EPHA6: variants seen among roughly 807,000 people sequenced by gnomAD.
EPHA6 encodes ephrin type-A receptor 6.
Under a neutral mutation model 112.0 loss-of-function variants are expected in EPHA6, and 50 were observed. The ratio of observed to expected loss-of-function variants is 0.45; its 90% CI spans 0.36 to 0.56. EPHA6 has a LOEUF of 0.56. EPHA6 is among the 20% of genes least tolerant of loss of function. The pLI, the probability that EPHA6 is intolerant of heterozygous loss-of-function variation, is 0.00. For missense variants in EPHA6, 1,280 were observed against 1,417.4 expected (o/e 0.90, Z 1.56); for synonymous variants, 529 against 490.7 (o/e 1.08, Z -1.03).
chr3:96,922,880 A>G (rs1403269636), intron 2 of EPHA6, among the ~76,000 whole-genome samples: 2 of 152,050 alleles, frequency 1.3e-5, no homozygotes, highest in East Asian at 3.9e-4. Context: ...TTCGTGTCTC[A>G]CTGTTAAGTA....
chr3:97,154,180 A>AT (rs1380314951), intron 3 of EPHA6, among the ~76,000 whole-genome samples: 8 of 140,116 alleles, frequency 5.7e-5, no homozygotes, highest in African/African-American at 2.7e-4. Context: ...AAAAAAAAAA[A>AT]ATATCAGTCT....
At chr3:97,057,165 G>A (rs148889419) in intron 3 of EPHA6, among the ~76,000 whole-genome samples, 4 of 152,030 alleles carry the variant, frequency 2.6e-5, no homozygotes, top group African/African-American at 7.3e-5. Context: ...TTTGGTTGCC[G>A]GGGATATTTC....
intron 14 of EPHA6, among the ~76,000 whole-genome samples, chr3:97,650,524 G>C (rs1271241544): frequency 6.6e-6 from 1 of 151,934 alleles, no homozygotes; most frequent in East Asian, 1.9e-4. Context: ...AAAAATGATT[G>C]ATAAAATGGT....
chr3:97,338,554 G>A (rs952502999), intron 5 of EPHA6, among the ~76,000 whole-genome samples: 1 of 152,066 alleles, frequency 6.6e-6, no homozygotes, highest in Admixed American at 6.6e-5. Context: ...GAATCATTCT[G>A]TAAATCTCAG....
At chr3:97,099,183 C>T (rs2047332252) in intron 3 of EPHA6, among the ~76,000 whole-genome samples, 1 of 151,772 alleles carries the variant, frequency 6.6e-6, no homozygotes, top group Non-Finnish European at 1.5e-5. Flanking sequence ...TTTAAGCTTC[C>T]TTATTGTTAA....
At chr3:96,988,924 A>G (rs9852675) in intron 3 of EPHA6, among the ~76,000 whole-genome samples, 2,774 of 152,248 alleles carry the variant, frequency 0.018, 74 homozygotes, top group African/African-American at 0.052. Context: ...AAGTATATAC[A>G]TTCAAAAATT....
Position 97,754,294 on chromosome 3 carries a change from G to A in EPHA6, c.*5593G>A, listed in dbSNP as rs959168042. 6.6e-6 allele frequency among the ~76,000 whole-genome samples: 1 copy of A among 151,958 alleles called. No individual in the cohort carries two copies. Among genetic ancestry groups the A allele is most frequent in the Non-Finnish European group, 1.5e-5 (1 of 67,982 alleles). The stretch of plus-strand genomic sequence containing the variant: ...GTAGAGACGGGATTTCTCCATGTTG[G>A]TTAGGCTGGTCTCGAACTCCCGACC... On this transcript the variant is annotated 3_prime_UTR_variant, in exon 18 of 18. Coordinates refer to ENST00000389672, the MANE Select transcript of EPHA6 (RefSeq NM_001080448.3).
intron 3 of EPHA6, among the ~76,000 whole-genome samples, chr3:97,186,096 A>G (rs1400024611): frequency 1.3e-5 from 2 of 151,716 alleles, no homozygotes; most frequent in African/African-American, 4.8e-5. Flanking sequence ...TAGCATTTGG[A>G]GATATACCTA....
At chr3:97,445,665 A>C (rs77103734) in intron 6 of EPHA6, among the ~76,000 whole-genome samples, 1 of 152,150 alleles carries the variant, frequency 6.6e-6, no homozygotes, top group East Asian at 1.9e-4. Flanking sequence ...AAGAAGAAAG[A>C]AAATTTATAG....
chr3:97,437,142 G>A (rs1390633494), intron 6 of EPHA6, among the ~76,000 whole-genome samples: 2 of 151,884 alleles, frequency 1.3e-5, no homozygotes, highest in Non-Finnish European at 2.9e-5. Flanking sequence ...AATGTGGCCA[G>A]GGAAGCCAAA....
chr3:96,846,644 A>G (rs537490820), intron 1 of EPHA6, among the ~76,000 whole-genome samples: 45 of 152,214 alleles, frequency 3.0e-4, no homozygotes, highest in African/African-American at 1.1e-3. Context: ...AGAAATTCCA[A>G]TTAACTAATC....
At chr3:97,383,855 T>G (rs191579643) in intron 5 of EPHA6, among the ~76,000 whole-genome samples, 1 of 152,268 alleles carries the variant, frequency 6.6e-6, no homozygotes, top group East Asian at 1.9e-4. Flanking sequence ...TACAAAATCC[T>G]TTACTTGTAT....
chr3:97,257,247 A>C (rs535661778), intron 5 of EPHA6, among the ~76,000 whole-genome samples: 3 of 151,964 alleles, frequency 2.0e-5, no homozygotes, highest in African/African-American at 7.2e-5. Flanking sequence ...ATGATCTAAA[A>C]AAATTACAAA....
intron 14 of EPHA6, among the ~76,000 whole-genome samples, chr3:97,666,684 T>A (rs184380968): frequency 6.6e-6 from 1 of 152,298 alleles, no homozygotes. Flanking sequence ...GCAAATTACT[T>A]CTACAATGAC....
intron 3 of EPHA6, among the ~76,000 whole-genome samples, chr3:97,071,440 C>T (rs1460957747): frequency 1.3e-5 from 2 of 151,956 alleles, no homozygotes; most frequent in Non-Finnish European, 2.9e-5. Flanking sequence ...TTTAATTGGA[C>T]TTACAGTTCC....
intron 14 of EPHA6, among the ~76,000 whole-genome samples, chr3:97,697,004 A>T (rs1259151761): frequency 1.3e-5 from 2 of 152,218 alleles, no homozygotes; most frequent in Non-Finnish European, 2.9e-5. Flanking sequence ...TAGAACAGGT[A>T]TTAATCAGTC....
intron 10 of EPHA6, among the ~76,000 whole-genome samples, chr3:97,509,215 T>A (rs1284436713): frequency 6.6e-6 from 1 of 151,942 alleles, no homozygotes; most frequent in East Asian, 1.9e-4. Flanking sequence ...TGCGTGAATT[T>A]GATCCTGTCA....
At chr3:97,637,594 T>A (rs918283197) in intron 13 of EPHA6, among the ~76,000 whole-genome samples, 2 of 152,196 alleles carry the variant, frequency 1.3e-5, no homozygotes. Context: ...TTCTCTCCTA[T>A]TACCTAAGCT....
At chr3:96,921,846 G>T (rs1234991224) in intron 2 of EPHA6, among the ~76,000 whole-genome samples, 1 of 152,130 alleles carries the variant, frequency 6.6e-6, no homozygotes, top group African/African-American at 2.4e-5. Context: ...GTGATGTCAA[G>T]CATGAGCCAC....
Sources: gnomAD v4.1 joint callset for allele counts (sites outside exome capture counted in the v4.1 genomes callset) on GRCh38, gnomAD v4.1.1 for gene constraint, MANE v1.5 for transcripts, NCBI Gene and HGNC (gene_info 2026-07-23, HGNC 2026-07-21) for gene names.